Variants in DLG2 observed in about 807,000 individuals in gnomAD.
DLG2 encodes disks large homolog 2.
A neutral mutation model predicts 132.5 loss-of-function variants in DLG2; 45 were observed. That is an observed-to-expected ratio of 0.34 (90% CI 0.27 to 0.44). The LOEUF (loss-of-function observed/expected upper bound fraction) is 0.44, where lower values mean the gene tolerates loss of function less well. DLG2 is among the 20% of genes least tolerant of loss of function. The probability of loss-of-function intolerance (pLI) is 1.00; values close to 1 mark genes in which losing one functional copy is unlikely to be tolerated. For synonymous variants in DLG2, 424 were observed against 419.6 expected (o/e 1.01, Z -0.13); for missense variants, 1,045 against 1,196.9 (o/e 0.87, Z 1.87).
chr11:85,305,118 G>A (rs1360613612), intron 3 of DLG2, among the ~76,000 whole-genome samples: 1 of 152,158 alleles, frequency 6.6e-6, no homozygotes, highest in African/African-American at 2.4e-5. Context: ...ATATGGCATG[G>A]TTTCTGGTTT....
At chr11:84,872,131 T>C (rs890074895) in intron 6 of DLG2, among the ~76,000 whole-genome samples, 2 of 152,196 alleles carry the variant, frequency 1.3e-5, no homozygotes, top group African/African-American at 2.4e-5. Context: ...TGATCAGGTA[T>C]TGGAGTGCAC....
At chr11:83,902,734 C>T (rs190716496) in intron 15 of DLG2, among the ~76,000 whole-genome samples, 53 of 152,088 alleles carry the variant, frequency 3.5e-4, no homozygotes, top group African/African-American at 1.2e-3. Context: ...TTCCTAATCC[C>T]CAGGAATATA....
chr11:84,232,264 T>C (rs2097104007), intron 8 of DLG2, among the ~76,000 whole-genome samples: 1 of 152,046 alleles, frequency 6.6e-6, no homozygotes, highest in Non-Finnish European at 1.5e-5. Context: ...CGCTTACTAT[T>C]TTATAGCTTC....
At chr11:84,759,668 C>T in intron 6 of DLG2, among the ~76,000 whole-genome samples, 1 of 152,086 alleles carries the variant, frequency 6.6e-6, no homozygotes, top group Non-Finnish European at 1.5e-5. Context: ...GCAAAAGTGG[C>T]CCTAATAAAA....
intron 21 of DLG2, among the ~76,000 whole-genome samples, chr11:83,528,269 A>G (rs945256799): frequency 6.6e-6 from 1 of 152,212 alleles, no homozygotes; most frequent in African/African-American, 2.4e-5. Flanking sequence ...GCAGATGAGC[A>G]CTTTCAAATG....
intron 4 of DLG2, among the ~76,000 whole-genome samples, chr11:85,276,724 T>G (rs2077914275): frequency 6.6e-6 from 1 of 152,142 alleles, no homozygotes; most frequent in Admixed American, 6.5e-5. Flanking sequence ...TACATATACT[T>G]AACAAAACAA....
chr11:84,846,344 T>C (rs1379886846), intron 6 of DLG2, among the ~76,000 whole-genome samples: 4 of 152,116 alleles, frequency 2.6e-5, no homozygotes, highest in African/African-American at 9.7e-5. Context: ...TAGAGGTAAA[T>C]GGAACCATCT....
chr11:85,465,984 T>G (rs1380435910), intron 3 of DLG2, among the ~76,000 whole-genome samples: 1 of 152,180 alleles, frequency 6.6e-6, no homozygotes, highest in Non-Finnish European at 1.5e-5. Flanking sequence ...CCTGACTTTT[T>G]AATGATTGCC....
At chr11:85,580,475 T>C (rs950505026) in intron 3 of DLG2, among the ~76,000 whole-genome samples, 1 of 152,180 alleles carries the variant, frequency 6.6e-6, no homozygotes, top group African/African-American at 2.4e-5. Flanking sequence ...AGATGATAGA[T>C]GAAGGGAATG....
intron 6 of DLG2, among the ~76,000 whole-genome samples, chr11:84,670,643 A>T (rs1356000583): frequency 6.6e-6 from 1 of 152,192 alleles, no homozygotes; most frequent in African/African-American, 2.4e-5. Flanking sequence ...TGTTTTACAT[A>T]AATTGTCACT....
chr11:83,711,871 G>T (rs911786208), intron 18 of DLG2, among the ~76,000 whole-genome samples: 2 of 152,174 alleles, frequency 1.3e-5, no homozygotes, highest in South Asian at 4.2e-4. Flanking sequence ...TTCTTTTAAA[G>T]AATTTATTTT....
chr11:83,634,183 C>T (rs1246529457), intron 18 of DLG2, among the ~76,000 whole-genome samples: 1 of 151,924 alleles, frequency 6.6e-6, no homozygotes, highest in Admixed American at 6.6e-5. Context: ...TAGCTTTGCC[C>T]ACATGCCAAA....
chr11:85,058,597 A>G (rs2154157898), intron 6 of DLG2, among the ~76,000 whole-genome samples: 1 of 151,634 alleles, frequency 6.6e-6, no homozygotes, highest in African/African-American at 2.4e-5. Flanking sequence ...ATTGTGTAGA[A>G]ATATCAAATT....
chr11:84,636,601 C>T (rs1489851338), intron 6 of DLG2, among the ~76,000 whole-genome samples: 2 of 152,258 alleles, frequency 1.3e-5, no homozygotes, highest in African/African-American at 4.8e-5. Flanking sequence ...GAGGAAACAT[C>T]ATTTTCCTAT....
At chr11:85,089,785 AAAG>A (rs1210943801) in intron 6 of DLG2, among the ~76,000 whole-genome samples, 1 of 152,212 alleles carries the variant, frequency 6.6e-6, no homozygotes, top group Non-Finnish European at 1.5e-5. Flanking sequence ...CTGCTTCTCA[AAAG>A]AAGATACACA....
At chr11:85,019,939 T>A (rs1204378909) in intron 6 of DLG2, among the ~76,000 whole-genome samples, 1 of 152,216 alleles carries the variant, frequency 6.6e-6, no homozygotes, top group Non-Finnish European at 1.5e-5. Flanking sequence ...CGTGTGCATG[T>A]GTCTTTATAG....
chr11:84,603,131 G>T (rs1288975667), intron 6 of DLG2, among the ~76,000 whole-genome samples: 1 of 151,860 alleles, frequency 6.6e-6, no homozygotes, highest in African/African-American at 2.4e-5. Flanking sequence ...AGAATTAATT[G>T]CTCTGTTCAT....
chr11:85,013,672 G>A (rs529316974), intron 6 of DLG2, among the ~76,000 whole-genome samples: 1 of 151,948 alleles, frequency 6.6e-6, no homozygotes. Flanking sequence ...TAGAAGGAAA[G>A]AAATGCCCAT....
intron 6 of DLG2, among the ~76,000 whole-genome samples, chr11:85,035,368 CAA>C (rs2061355930): frequency 1.3e-5 from 2 of 152,118 alleles, no homozygotes; most frequent in South Asian, 2.1e-4. Flanking sequence ...AATTTAGAAA[CAA>C]AAGAGGTTTA....
Sources: allele counts gnomAD v4.1 joint callset (sites outside exome capture counted in the v4.1 genomes callset), GRCh38; gene constraint gnomAD v4.1.1; transcripts MANE v1.5; gene names NCBI Gene and HGNC (gene_info 2026-07-23, HGNC 2026-07-21).